The following APEX1 variants were observed in gnomAD, a reference collection of about 807,000 sequenced individuals.
APEX1 encodes the protein DNA repair nuclease/redox regulator APEX1.
APEX1 carries 32 observed loss-of-function variants against 33.2 expected under a neutral mutation model. That is an observed-to-expected ratio of 0.96 (90% CI 0.73 to 1.29). The LOEUF (loss-of-function observed/expected upper bound fraction) is 1.29. APEX1 is among the 50% of genes most tolerant of loss of function. The probability of loss-of-function intolerance (pLI) is 0.00; values close to 1 mark genes in which losing one functional copy is unlikely to be tolerated. For missense variants in APEX1, 442 were observed against 395.6 expected (o/e 1.12, Z -0.99); for synonymous variants, 175 against 156.6 (o/e 1.12, Z -0.88).
At position 20,457,057 on chromosome 14, in the gene APEX1, C is replaced by T. The variant is rs1881423668; in HGVS notation, c.506C>T (p.Thr169Ile). Residue 169 changes from threonine to isoleucine, a missense_variant, in exon 5 of 5, where the codon ACA becomes ATA. Physicochemically the swap from Thr to Ile is moderately conservative, Grantham distance 89. Transcript: ENST00000216714. ...GAATTTGACTCGTTTGTGCTGGTAA[C>T]AGCATATGTACCTAATGCAGGCCGA... ...VAEFDSFVLV[T>I]AYVPNAGRGL... The T allele has an allele frequency of 2.5e-6, 4 of 1,614,188 alleles. No homozygotes were observed. In the East Asian group the frequency reaches 8.9e-5, roughly 36 times the overall value.
Position 20,457,708 on chromosome 14 carries a change from CA to C in APEX1, c.*203del. On this transcript the variant is annotated 3_prime_UTR_variant, in exon 5 of 5. Transcript: ENST00000216714. ...TTTTGTTTTTTAAAAAAAAATTGAA[CA>C]AAGACTACTAATGACTTTGTTTGAA... 2.9e-6 allele frequency: 2 copies of C among 680,558 alleles called. No individual in the cohort carries two copies. The highest frequency in any genetic ancestry group is 4.9e-6 in the Non-Finnish European group (2 of 409,264). The allele number at this position is 680,558 out of a possible 1,614,324, so 42.2% of individuals were successfully genotyped here. A position where few individuals can be genotyped will look rare whatever the true frequency, so the allele number is the denominator to read the frequency against.
In APEX1 at chr14:20,456,867, C is replaced by A. The variant is rs774873673; in HGVS notation, c.439+7C>A. 7 of 1,613,042 alleles carry A rather than the reference C, an allele frequency of 4.3e-6. No individual in the cohort carries two copies. Among genetic ancestry groups the A allele is most frequent in the Non-Finnish European group, 5.9e-6 (7 of 1,179,492 alleles). The stretch of plus-strand genomic sequence containing the variant: ...AAAGTTTCTTACGGCATAGGTGAGA[C>A]CCTATTGATGCCTAATGCCTGAACT... On this transcript the variant is annotated splice_region_variant and intron_variant, in intron 4 of 4. Transcript: ENST00000216714.
intron 2 of APEX1, 100 bp downstream of exon 2, chr14:20,455,803 G>A (rs1406280236): frequency 1.2e-6 from 2 of 1,613,774 alleles, no homozygotes; most frequent in East Asian, 2.2e-5. Flanking sequence ...TTTTTGCAGG[G>A]GTTTGTGAAG....
chr14:20,455,838 G>A (rs1382050802), intron 2 of APEX1, 76 bp from the exon 3 acceptor site: 3 of 1,613,714 alleles, frequency 1.9e-6, no homozygotes, highest in Non-Finnish European at 2.5e-6. Context: ...GTAGGCTTTC[G>A]TTGGGTCTAT....
At position 20,456,110 on chromosome 14, in the gene APEX1, A is replaced by G; in HGVS notation, c.246+9A>G. ...AGAAGAAAGGATTAGATGTGAGTGGAATTTGAGGGAAAGAGACATTTTTTA... is the reference window on the plus strand; with the variant it reads ...AGAAGAAAGGATTAGATGTGAGTGGGATTTGAGGGAAAGAGACATTTTTTA... On this transcript the variant is annotated intron_variant, in intron 3 of 4. Coordinates refer to ENST00000216714, the MANE Select transcript of APEX1 (RefSeq NM_001641.4). 1 of 1,613,712 alleles carries G rather than the reference A, an allele frequency of 6.2e-7. No homozygotes were observed. The highest frequency in any genetic ancestry group is 2.2e-5 in the East Asian group (1 of 44,882).
rs1313230572 is a variant in APEX1, at chr14:20,455,998, C to T, written c.143C>T (p.Pro48Leu). Residue 48 changes from proline to leucine, a missense_variant, in exon 3 of 5, where the codon CCC becomes CTC. Coordinates refer to ENST00000216714, the MANE Select transcript of APEX1 (RefSeq NM_001641.4). ...AGEGPALYED[P>L]PDQKTSPSGK... ...GAGGGCCCAGCCCTGTATGAGGACC[C>T]CCCAGATCAGAAAACCTCACCCAGT... is the stretch of plus-strand genomic sequence containing the variant. 1 of 1,614,046 alleles carries T rather than the reference C, an allele frequency of 6.2e-7. No homozygotes were observed. Among genetic ancestry groups the T allele is most frequent in the Non-Finnish European group, 8.5e-7 (1 of 1,180,040 alleles).
chr14:20,457,574 ACT>A lies in APEX1; in HGVS notation c.*69_*70del. The A allele has an allele frequency of 5.8e-6, 9 of 1,564,644 alleles. No individual in the cohort carries two copies. The South Asian group carries it at 8.9e-5, about 15-fold the overall frequency. ...CTCAACTACCATTCCTTCTTTAAACACTCTTCAGAGAAATCTGCATTCTATTT... is the reference window on the plus strand; with the variant it reads ...CTCAACTACCATTCCTTCTTTAAACACTTCAGAGAAATCTGCATTCTATTT... On this transcript the variant is annotated 3_prime_UTR_variant, in exon 5 of 5. Transcript: ENST00000216714.
intron 2 of APEX1, 72 bp from the exon 3 acceptor site, chr14:20,455,842 G>C: frequency 6.2e-7 from 1 of 1,613,604 alleles, no homozygotes; most frequent in Non-Finnish European, 8.5e-7. Context: ...GCTTTCGTTG[G>C]GTCTATAGTT....
chr14:20,455,567 TGCGTCTGTAGGCAAC>T lies in APEX1; in HGVS notation c.-68-7_-61del. ...GCCTTAGCTGGTTTCATGATTTCTTTGCGTCTGTAGGCAACGCGGTAAAAATATTGCTTCGGTGGG... is the reference window on the plus strand; with the variant it reads ...GCCTTAGCTGGTTTCATGATTTCTTTGCGGTAAAAATATTGCTTCGGTGGG... On this transcript the variant is annotated splice_acceptor_variant and splice_polypyrimidine_tract_variant and 5_prime_UTR_variant and intron_variant, in exon 2 of 5. Transcript: ENST00000216714. LOFTEE classifies it low-confidence loss of function (5UTR_SPLICE). The T allele has an allele frequency of 1.2e-6, 2 of 1,610,564 alleles. No homozygotes were observed. The highest frequency in any genetic ancestry group is 1.7e-5 in the Admixed American group (1 of 59,942).
Position 20,457,041 on chromosome 14 carries a change from T to C in APEX1, c.490T>C (p.Ser164Pro). 6.2e-7 allele frequency: 1 copy of C among 1,614,190 alleles called. No individual in the cohort carries two copies. The highest frequency in any genetic ancestry group is 1.1e-5 in the South Asian group (1 of 91,072). The change falls in exon 5 of 5, where the codon TCG becomes CCG. Residue 164 changes from serine to proline, a missense_variant. Physicochemically the swap from Ser to Pro is moderately conservative, Grantham distance 74 (BLOSUM62 -1). Coordinates refer to ENST00000216714, the MANE Select transcript of APEX1 (RefSeq NM_001641.4). ...CCGGGTGATTGTGGCTGAATTTGAC[T>C]CGTTTGTGCTGGTAACAGCATATGT... The part of the protein sequence containing the change: ...EGRVIVAEFD[S>P]FVLVTAYVPN...
At chr14:20,456,961 T>G (rs767323753) in intron 4 of APEX1, 30 bp from the exon 5 acceptor site, 28 of 1,609,900 alleles carry the variant, frequency 1.7e-5, no homozygotes, top group Non-Finnish European at 2.2e-5. Flanking sequence ...TCTTATAGTT[T>G]TTTATGCTAA....
At chr14:20,456,216 T>C in intron 3 of APEX1, 115 bp downstream of exon 3, 1 of 1,191,912 alleles carries the variant, frequency 8.4e-7, no homozygotes, top group African/African-American at 1.5e-5. Flanking sequence ...TGCCCGTAGT[T>C]TTCTGTGGGG....
rs549874112 is a variant in APEX1, at chr14:20,456,740, G to A, written c.319G>A (p.Glu107Lys). Residue 107 changes from glutamate (E) to lysine (K), a missense_variant, in exon 4 of 5, where the codon GAA becomes AAA. Coordinates refer to ENST00000216714, the MANE Select transcript of APEX1 (RefSeq NM_001641.4). ...TKCSENKLPA[E>K]LQELPGLSHQ... ...ATGTTCAGAGAACAAACTACCAGCT[G>A]AACTTCAGGAGCTGCCTGGACTCTC... 1.5e-5 allele frequency: 25 copies of A among 1,614,228 alleles called. No homozygotes were observed. Among genetic ancestry groups the A allele is most frequent in the Non-Finnish European group, 1.9e-5 (22 of 1,180,036 alleles).
At position 20,455,975 on chromosome 14, in the gene APEX1, G is replaced by C; in HGVS notation, c.120G>C (p.Glu40Asp). 1 of 1,614,178 alleles carries C rather than the reference G, an allele frequency of 6.2e-7. No homozygotes were observed. Among genetic ancestry groups the C allele is most frequent in the Non-Finnish European group, 8.5e-7 (1 of 1,180,044 alleles). The change falls in exon 3 of 5, where the codon GAG becomes GAC. Residue 40 changes from glutamate to aspartate, a missense_variant. Coordinates refer to ENST00000216714, the MANE Select transcript of APEX1 (RefSeq NM_001641.4). ...AAAATGACAAAGAGGCAGCAGGAGA[G>C]GGCCCAGCCCTGTATGAGGACCCCC... ...AKKNDKEAAGEGPALYEDPPD... is the reference protein window; with the variant it reads ...AKKNDKEAAGDGPALYEDPPD...
At chr14:20,456,189 C>G in intron 3 of APEX1, 88 bp downstream of exon 3, 1 of 1,486,038 alleles carries the variant, frequency 6.7e-7, no homozygotes, top group Admixed American at 1.8e-5. Flanking sequence ...AGCCTTCAGG[C>G]TGTTTTATTT....
In APEX1 at chr14:20,456,120, A is replaced by G. The variant is rs1431538891; in HGVS notation, c.246+19A>G. The G allele has an allele frequency of 6.2e-7, 1 of 1,612,276 alleles. No homozygotes were observed. Among genetic ancestry groups the G allele is most frequent in the South Asian group, 1.1e-5 (1 of 91,036 alleles). On this transcript the variant is annotated intron_variant, in intron 3 of 4. Transcript: ENST00000216714. The stretch of plus-strand genomic sequence containing the variant: ...ATTAGATGTGAGTGGAATTTGAGGG[A>G]AAGAGACATTTTTTAGTATTGAATG...
rs368600341 is a variant in APEX1, at chr14:20,457,220, C to T, written c.669C>T (p.Pro223=). 9 of 1,614,062 alleles carry T rather than the reference C, an allele frequency of 5.6e-6. No individual in the cohort carries two copies. The highest frequency in any genetic ancestry group is 1.3e-5 in the African/African-American group (1 of 74,924). The change falls in exon 5 of 5, where the codon CCC becomes CCT. Residue 223 remains proline (P), a synonymous_variant. Transcript: ENST00000216714. ...ATGAAGAAATTGACCTTCGCAACCC[C>T]AAGGGGAACAAAAAGAATGCTGGCT... ...VAHEEIDLRN[P]KGNKKNAGFT...
Position 20,456,073 on chromosome 14 carries a change from G to C in APEX1, c.218G>C (p.Arg73Pro). The C allele has an allele frequency of 6.2e-7, 1 of 1,614,220 alleles. No homozygotes were observed. The highest frequency in any genetic ancestry group is 8.5e-7 in the Non-Finnish European group (1 of 1,180,042). ...KICSWNVDGL[R>P]AWIKKKGLDW... ...TGCTCTTGGAATGTGGATGGGCTTC[G>C]AGCCTGGATTAAGAAGAAAGGATTA... The change falls in exon 3 of 5, where the codon CGA becomes CCA. Residue 73 changes from arginine (R) to proline (P), a missense_variant. Arg to Pro is a moderately radical substitution (Grantham distance 103). Coordinates refer to ENST00000216714, the MANE Select transcript of APEX1 (RefSeq NM_001641.4).
Position 20,457,018 on chromosome 14 carries a change from G to C in APEX1, c.467G>C (p.Arg156Pro), listed in dbSNP as rs752473392. The C allele has an allele frequency of 1.9e-6, 3 of 1,614,072 alleles. No individual in the cohort carries two copies. The highest frequency in any genetic ancestry group is 2.2e-5 in the South Asian group (2 of 91,056). Reference protein sequence around the residue: ...IGDEEHDQEGRVIVAEFDSFV... With the variant: ...IGDEEHDQEGPVIVAEFDSFV... ...GATGAGGAGCATGATCAGGAAGGCC[G>C]GGTGATTGTGGCTGAATTTGACTCG... Residue 156 changes from arginine (R) to proline (P), a missense_variant, in exon 5 of 5, where the codon CGG (arginine) becomes CCG (proline). Transcript: ENST00000216714.
Sources: allele counts gnomAD v4.1 joint callset, GRCh38; gene constraint gnomAD v4.1.1; transcripts MANE v1.5; gene names NCBI Gene and HGNC (gene_info 2026-07-23, HGNC 2026-07-21).